Variants in ZBTB8A observed in about 807,000 individuals in gnomAD.
The protein encoded by ZBTB8A is zinc finger and BTB domain containing 8A.
In ZBTB8A, 19 loss-of-function variants were observed where a neutral mutation model predicts 37.8. That is an observed-to-expected ratio of 0.50 (90% CI 0.35 to 0.74). The LOEUF is 0.74. Among genes scored for constraint, ZBTB8A ranks in the 30% least tolerant of loss-of-function variants. The pLI is 0.01. For missense variants in ZBTB8A, 394 were observed against 537.8 expected, an observed-to-expected ratio of 0.73 and a Z score of 2.65; for synonymous variants, 181 against 185.2, an observed-to-expected ratio of 0.98 and a Z score of 0.19.
At chr1:32,591,616 T>A (rs986254702) in intron 2 of ZBTB8A, among the ~76,000 whole-genome samples, 1 of 152,032 alleles carries the variant, frequency 6.6e-6, no homozygotes, top group Non-Finnish European at 1.5e-5. Flanking sequence ...AAGGCCTGAT[T>A]TATTGAAGAT....
intron 1 of ZBTB8A, among the ~76,000 whole-genome samples, chr1:32,539,852 G>A (rs935497178): frequency 6.7e-6 from 1 of 148,604 alleles, no homozygotes; most frequent in African/African-American, 2.4e-5. Flanking sequence ...TCCTGGAGGC[G>A]GCGGCGGGAA....
At position 32,595,686 on chromosome 1, in the gene ZBTB8A, A is replaced by G. The variant is rs1386526067; in HGVS notation, c.993+463A>G. On this transcript the variant is annotated intron_variant, in intron 4 of 4. Transcript: ENST00000373510. The stretch of plus-strand genomic sequence containing the variant: ...TTTTTTTGAGACAGGGTCTCTCTCT[A>G]TCGCCCAAGCTGGAGTGCAGTGGTG... Among the ~76,000 whole-genome samples the G allele has an allele frequency of 1.1e-4, 15 of 141,414 alleles. 1 individual carries two copies. The highest frequency in any genetic ancestry group is 4.2e-4 in the East Asian group (2 of 4,816). The allele number at this position is 141,414 out of a possible 152,430, so 92.8% of individuals were successfully genotyped here. A position where few individuals can be genotyped will look rare whatever the true frequency, so the allele number is the denominator to read the frequency against.
At chr1:32,597,908 A>ATT (rs764920094) in intron 4 of ZBTB8A, among the ~76,000 whole-genome samples, 32 of 137,134 alleles carry the variant, frequency 2.3e-4, no homozygotes, top group Admixed American at 3.0e-4. Context: ...TATCCGGCTA[A>ATT]TTTTTTTTTT....
rs755469510 is a variant in ZBTB8A, at chr1:32,595,100, G to T, written c.870G>T (p.Val290=). The T allele has an allele frequency of 4.3e-6, 7 of 1,614,042 alleles. No homozygotes were observed. In the African/African-American group the frequency reaches 8.0e-5, roughly 18 times the overall value. Residue 290 remains valine, a synonymous_variant, in exon 4 of 5, where the codon GTG becomes GTT. Transcript: ENST00000373510. ...MRFKCPYCTH[V]VKRKADLKRH... ...TCAAGTGCCCGTACTGCACACATGT[G>T]GTGAAGCGGAAGGCAGACCTAAAGC...
chr1:32,558,515 A>G (rs1194198899), intron 2 of ZBTB8A, among the ~76,000 whole-genome samples: 2 of 152,058 alleles, frequency 1.3e-5, no homozygotes, highest in African/African-American at 2.4e-5. Flanking sequence ...GGAGGTGGGA[A>G]GATATCCTGA....
At chr1:32,573,840 C>T (rs139853842) in intron 2 of ZBTB8A, among the ~76,000 whole-genome samples, 2 of 149,280 alleles carry the variant, frequency 1.3e-5, no homozygotes, top group East Asian at 2.0e-4. Context: ...TTTGGGAGGC[C>T]GAGACAGGCG....
At chr1:32,577,781 C>T (rs1255816424) in intron 2 of ZBTB8A, among the ~76,000 whole-genome samples, 1 of 151,572 alleles carries the variant, frequency 6.6e-6, no homozygotes, top group Non-Finnish European at 1.5e-5. Flanking sequence ...GGGGGTTTCA[C>T]CAAGTTGTCC....
intron 2 of ZBTB8A, among the ~76,000 whole-genome samples, chr1:32,588,749 C>T (rs759616834): frequency 8.6e-5 from 13 of 151,888 alleles, no homozygotes; most frequent in Admixed American, 4.6e-4. Context: ...TTTGGGAGGC[C>T]GAGGCAGGCA....
intron 2 of ZBTB8A, among the ~76,000 whole-genome samples, chr1:32,592,385 A>C (rs1644496397): frequency 6.8e-6 from 1 of 147,514 alleles, no homozygotes; most frequent in Non-Finnish European, 1.5e-5. Context: ...AAACAAAAAA[A>C]CAAAAAAAAA....
chr1:32,593,109 A>G lies in ZBTB8A; in HGVS notation c.178A>G (p.Thr60Ala). ...KMLLSQNSKE[T>A]SQPTTATFQA... ...GCTTCTTTCTCAGAATTCAAAGGAGACGAGTCAGCCAACCACAGCTACATT... is the reference window on the plus strand; with the variant it reads ...GCTTCTTTCTCAGAATTCAAAGGAGGCGAGTCAGCCAACCACAGCTACATT... The change falls in exon 3 of 5, where the codon ACG becomes GCG. Residue 60 changes from threonine (T) to alanine (A), a missense_variant. By Grantham distance (58) the Thr-to-Ala change is moderately conservative. This residue lies in a region of ZBTB8A where 96 missense variants were observed against 165.6 expected (regional missense o/e 0.58). Transcript: ENST00000373510. 1.9e-6 allele frequency: 3 copies of G among 1,614,172 alleles called. No individual in the cohort carries two copies. The highest frequency in any genetic ancestry group is 1.7e-6 in the Non-Finnish European group (2 of 1,180,026).
chr1:32,548,067 A>T (rs1180221101), intron 1 of ZBTB8A, among the ~76,000 whole-genome samples: 2 of 138,618 alleles, frequency 1.4e-5, no homozygotes, highest in East Asian at 5.0e-4. Context: ...CGGGAGGTAG[A>T]GGTTGCAGTG....
intron 2 of ZBTB8A, among the ~76,000 whole-genome samples, chr1:32,563,049 G>A (rs1052201322): frequency 3.3e-5 from 5 of 152,156 alleles, no homozygotes; most frequent in Non-Finnish European, 7.3e-5. Flanking sequence ...GGTATACTGA[G>A]TACCTCATTC....
At chr1:32,543,805 T>C (rs915048669) in intron 1 of ZBTB8A, among the ~76,000 whole-genome samples, 1 of 151,582 alleles carries the variant, frequency 6.6e-6, no homozygotes, top group Non-Finnish European at 1.5e-5. Context: ...GCCTCCCGAG[T>C]AGCTGGGATT....
chr1:32,599,498 G>A (rs1055343045), intron 4 of ZBTB8A, among the ~76,000 whole-genome samples: 1 of 151,974 alleles, frequency 6.6e-6, no homozygotes, highest in African/African-American at 2.4e-5. Flanking sequence ...GCAGACAGAT[G>A]ACGAGGTCAG....
At chr1:32,572,271 C>T (rs1285943932) in intron 2 of ZBTB8A, among the ~76,000 whole-genome samples, 1 of 151,818 alleles carries the variant, frequency 6.6e-6, no homozygotes, top group African/African-American at 2.4e-5. Flanking sequence ...AACACTGAAG[C>T]CATTTGGGTC....
intron 2 of ZBTB8A, among the ~76,000 whole-genome samples, chr1:32,560,615 CTTTTTTTTTT>C (rs1170510859): frequency 1.2e-4 from 11 of 90,794 alleles, no homozygotes; most frequent in Admixed American, 7.0e-4. Flanking sequence ...TCTTTTCTTT[CTTTTTTTTTT>C]TTTTTTTTTT....
intron 1 of ZBTB8A, among the ~76,000 whole-genome samples, chr1:32,540,161 A>G (rs535976500): frequency 3.3e-5 from 5 of 152,172 alleles, no homozygotes; most frequent in East Asian, 1.9e-4. Context: ...TGAGCTCCCA[A>G]CTATTTGCTT....
At chr1:32,565,818 G>A (rs976840046) in intron 2 of ZBTB8A, among the ~76,000 whole-genome samples, 1 of 152,068 alleles carries the variant, frequency 6.6e-6, no homozygotes, top group African/African-American at 2.4e-5. Context: ...CTGTGCTAGG[G>A]ATGCTGAGGT....
At chr1:32,579,550 G>A (rs906718265) in intron 2 of ZBTB8A, among the ~76,000 whole-genome samples, 9 of 152,100 alleles carry the variant, frequency 5.9e-5, no homozygotes, top group Non-Finnish European at 1.5e-5. Context: ...GGACTCCTGT[G>A]AAGAGTTATT....
Sources: gnomAD v4.1 joint callset for allele counts (sites outside exome capture counted in the v4.1 genomes callset) on GRCh38, gnomAD v4.1.1 for gene constraint, gnomAD v4.1.1 regional missense constraint, MANE v1.5 for transcripts, NCBI Gene and HGNC (gene_info 2026-07-23, HGNC 2026-07-21) for gene names.